NPAS2: variants seen among roughly 807,000 people sequenced by gnomAD.
NPAS2 encodes neuronal PAS domain protein 2.
A neutral mutation model predicts 107.5 loss-of-function variants in NPAS2; 23 were observed. That is an observed-to-expected ratio of 0.21 (90% CI 0.15 to 0.30). The LOEUF (loss-of-function observed/expected upper bound fraction) is 0.30. Among genes scored for constraint, NPAS2 ranks in the 10% least tolerant of loss-of-function variants. The probability of loss-of-function intolerance (pLI) is 1.00; values close to 1 mark genes in which losing one functional copy is unlikely to be tolerated. For synonymous variants in NPAS2, 403 were observed against 417.5 expected (o/e 0.97, Z 0.42); for missense variants, 756 against 1,043.3 (o/e 0.72, Z 3.79).
chr2:100,964,521 A>G (rs980967554), intron 8 of NPAS2, among the ~76,000 whole-genome samples: 27 of 152,210 alleles, frequency 1.8e-4, no homozygotes, highest in African/African-American at 6.3e-4. Flanking sequence ...GCCTTCTCTC[A>G]TCTGTGATTG....
chr2:100,944,881 A>G (rs1330358796), intron 5 of NPAS2, among the ~76,000 whole-genome samples: 1 of 152,188 alleles, frequency 6.6e-6, no homozygotes, highest in Non-Finnish European at 1.5e-5. Context: ...CCGGCCAGGC[A>G]GCCACTCAGC....
chr2:100,967,237 CTTTTTTTTTTTTTTTT>C (rs58558247), intron 10 of NPAS2, among the ~76,000 whole-genome samples: 2 of 100,548 alleles, frequency 2.0e-5, no homozygotes, highest in African/African-American at 8.0e-5. Context: ...AGTCAGTGTC[CTTTTTTTTTTTTTTTT>C]TTTTTTTTTT....
At chr2:100,899,032 G>A (rs1280705510) in intron 1 of NPAS2, among the ~76,000 whole-genome samples, 2 of 151,974 alleles carry the variant, frequency 1.3e-5, no homozygotes, top group African/African-American at 2.4e-5. Flanking sequence ...AGACAAACCC[G>A]AACTGAAGAA....
intron 14 of NPAS2, chr2:100,977,003 CG>C (rs1677057823): frequency 6.6e-6 from 1 of 151,534 alleles, no homozygotes; most frequent in Admixed American, 6.6e-5. Flanking sequence ...GGGGCCGTGT[CG>C]GAATAACTTC....
chr2:100,982,224 C>T lies in NPAS2; in HGVS notation c.1483-7C>T. 2 of 1,613,660 alleles carry T rather than the reference C, an allele frequency of 1.2e-6. No individual in the cohort carries two copies. Among genetic ancestry groups the T allele is most frequent in the Non-Finnish European group, 1.7e-6 (2 of 1,179,898 alleles). ...ATCTGATTATGTTTTTCGGCTCCAC[C>T]TTGAAGTTTTCGGCACAGTTCAGCA... is the stretch of plus-strand genomic sequence containing the variant. On this transcript the variant is annotated splice_region_variant and splice_polypyrimidine_tract_variant and intron_variant, in intron 15 of 20. Coordinates refer to ENST00000335681, the MANE Select transcript of NPAS2 (RefSeq NM_002518.4).
intron 1 of NPAS2, among the ~76,000 whole-genome samples, chr2:100,841,754 A>G (rs1186574908): frequency 6.6e-6 from 1 of 152,222 alleles, no homozygotes; most frequent in Non-Finnish European, 1.5e-5. Flanking sequence ...ACATACCTGC[A>G]TATGTGTATA....
chr2:100,859,895 A>G (rs896049161), intron 1 of NPAS2, among the ~76,000 whole-genome samples: 4 of 152,192 alleles, frequency 2.6e-5, no homozygotes, highest in Non-Finnish European at 4.4e-5. Context: ...GTTGCCTATC[A>G]TGTTCTGTAT....
chr2:100,848,187 T>C (rs559482163), intron 1 of NPAS2, among the ~76,000 whole-genome samples: 1 of 152,122 alleles, frequency 6.6e-6, no homozygotes, highest in Admixed American at 6.5e-5. Context: ...ACTCATGTTT[T>C]TATTGGGATT....
chr2:100,993,467 C>G lies in NPAS2; in HGVS notation c.2232C>G (p.Ser744=). The G allele has an allele frequency of 6.2e-7, 1 of 1,611,136 alleles. No homozygotes were observed. The highest frequency in any genetic ancestry group is 8.5e-7 in the Non-Finnish European group (1 of 1,178,810). The part of the protein sequence containing the change: ...QAVLHPSFPA[S]QPSPLQPAQA... ...TGCTCCACCCCAGCTTCCCTGCCTC[C>G]CAACCATCGCCCCTGCAGCCTGCAC... Residue 744 remains serine (S), a synonymous_variant, in exon 20 of 21, where the codon TCC becomes TCG. Transcript: ENST00000335681.
intron 1 of NPAS2, among the ~76,000 whole-genome samples, chr2:100,869,900 C>CTTT (rs34489501): frequency 9.8e-4 from 81 of 82,458 alleles, no homozygotes; most frequent in East Asian, 1.3e-3. Flanking sequence ...CTCCTGACTT[C>CTTT]TTTTTTTTTT....
At position 100,975,494 on chromosome 2, in the gene NPAS2, C is replaced by T. The variant is rs771178920; in HGVS notation, c.1319C>T (p.Pro440Leu). The T allele has an allele frequency of 2.1e-5, 34 of 1,613,442 alleles. No homozygotes were observed. Among genetic ancestry groups the T allele is most frequent in the South Asian group, 5.5e-5 (5 of 90,932 alleles). ...AAGCTGATGGCAGAGGCCAGCACCCCGGCTTTGCCAAGATCAGCCACCCTG... is the reference window on the plus strand; with the variant it reads ...AAGCTGATGGCAGAGGCCAGCACCCTGGCTTTGCCAAGATCAGCCACCCTG... Reference protein sequence around the residue: ...PTKLMAEASTPALPRSATLPQ... With the variant: ...PTKLMAEASTLALPRSATLPQ... The change falls in exon 14 of 21, where the codon CCG becomes CTG. Residue 440 changes from proline (P) to leucine (L), a missense_variant. By Grantham distance (98) the Pro-to-Leu change is moderately conservative. This residue lies in a region of NPAS2 where 496 missense variants were observed against 594.4 expected (regional missense o/e 0.83). Coordinates refer to ENST00000335681, the MANE Select transcript of NPAS2 (RefSeq NM_002518.4).
At chr2:100,836,834 T>C (rs1430373995) in intron 1 of NPAS2, among the ~76,000 whole-genome samples, 1 of 152,210 alleles carries the variant, frequency 6.6e-6, no homozygotes, top group Non-Finnish European at 1.5e-5. Flanking sequence ...TTCCTCCATT[T>C]TCCCAGATAG....
At chr2:100,928,453 C>T (rs1683720189) in intron 3 of NPAS2, among the ~76,000 whole-genome samples, 1 of 150,660 alleles carries the variant, frequency 6.6e-6, no homozygotes, top group Admixed American at 6.7e-5. Context: ...GACATTTATG[C>T]CGGGCTCTGT....
chr2:100,981,609 C>T (rs373687201), intron 15 of NPAS2, among the ~76,000 whole-genome samples: 7 of 152,170 alleles, frequency 4.6e-5, no homozygotes, highest in Admixed American at 3.3e-4. Flanking sequence ...AGGGGGCCCT[C>T]GGGGCAAAGA....
At chr2:100,924,503 C>G (rs1683436214) in intron 2 of NPAS2, among the ~76,000 whole-genome samples, 1 of 152,234 alleles carries the variant, frequency 6.6e-6, no homozygotes, top group African/African-American at 2.4e-5. Flanking sequence ...GCTTCTCCAA[C>G]TTAGTAATAT....
chr2:100,901,486 G>A, intron 1 of NPAS2: 4 of 984,610 alleles, frequency 4.1e-6, no homozygotes, highest in Non-Finnish European at 4.8e-6. Flanking sequence ...CCCAGAACTG[G>A]AAGAGCCCCA....
At chr2:100,895,661 TC>T (rs753626768) in intron 1 of NPAS2, among the ~76,000 whole-genome samples, 1 of 152,040 alleles carries the variant, frequency 6.6e-6, no homozygotes, top group Non-Finnish European at 1.5e-5. Context: ...TTGATTAGAT[TC>T]CCCAGCTGGT....
rs754493741 is a variant in NPAS2, at chr2:100,988,218, C to T, written c.1769C>T (p.Ser590Phe). The change falls in exon 17 of 21, where the codon TCC becomes TTC. Residue 590 changes from serine (S) to phenylalanine (F), a missense_variant. Coordinates refer to ENST00000335681, the MANE Select transcript of NPAS2 (RefSeq NM_002518.4). ...GAGPQLPGQISSAQVTSQHLL... is the reference protein window; with the variant it reads ...GAGPQLPGQIFSAQVTSQHLL... ...GGCCCCCAACTTCCAGGGCAGATCTCCTCTGCCCAGGTCACAAGCCAGCAC... is the reference window on the plus strand; with the variant it reads ...GGCCCCCAACTTCCAGGGCAGATCTTCTCTGCCCAGGTCACAAGCCAGCAC... 17 of 1,613,902 alleles carry T rather than the reference C, an allele frequency of 1.1e-5. No homozygotes were observed. Among genetic ancestry groups the T allele is most frequent in the South Asian group, 7.7e-5 (7 of 91,088 alleles).
chr2:100,944,694 G>C (rs1333928985), intron 5 of NPAS2, among the ~76,000 whole-genome samples: 1 of 152,182 alleles, frequency 6.6e-6, no homozygotes, highest in South Asian at 2.1e-4. Context: ...GCAAATACAT[G>C]CAAGAGCCAA....
Sources: allele counts gnomAD v4.1 joint callset (sites outside exome capture counted in the v4.1 genomes callset), GRCh38; gene constraint gnomAD v4.1.1; regional missense constraint gnomAD v4.1.1; transcripts MANE v1.5; gene names NCBI Gene and HGNC (gene_info 2026-07-23, HGNC 2026-07-21).